GRHL1: variants seen among roughly 807,000 people sequenced by gnomAD.
GRHL1 encodes the protein grainyhead like transcription factor 1.
Under a neutral mutation model 75.7 loss-of-function variants are expected in GRHL1, and 38 were observed. That is an observed-to-expected ratio of 0.50 (90% confidence interval 0.39 to 0.66). GRHL1 has a LOEUF of 0.66. GRHL1 is among the 30% of genes least tolerant of loss of function. GRHL1 has a pLI of 0.00. For synonymous variants in GRHL1, 266 were observed against 279.4 expected, an observed-to-expected ratio of 0.95 and a Z score of 0.48; for missense variants, 589 against 767.5, an observed-to-expected ratio of 0.77 and a Z score of 2.75.
In GRHL1 at chr2:9,995,877, A is replaced by G; in HGVS notation, c.1500-2A>G. On this transcript the variant is annotated splice_acceptor_variant, in intron 12 of 15. Coordinates refer to ENST00000324907, the MANE Select transcript of GRHL1 (RefSeq NM_198182.3). LOFTEE classifies it high-confidence loss of function. ...CTAACGGCATATTTTGGATCACTGCAGCTCTGTCTTGAAAAGGGGGCCGTA... is the reference window on the plus strand; with the variant it reads ...CTAACGGCATATTTTGGATCACTGCGGCTCTGTCTTGAAAAGGGGGCCGTA... The G allele has an allele frequency of 6.3e-7, 1 of 1,594,202 alleles. No individual in the cohort carries two copies. The highest frequency in any genetic ancestry group is 2.2e-5 in the East Asian group (1 of 44,800).
rs999956438 is a variant in GRHL1, at chr2:9,968,248, A to G, written c.1110+2867A>G. 2.0e-5 allele frequency among the ~76,000 whole-genome samples: 3 copies of G among 152,258 alleles called. No individual in the cohort carries two copies. Among genetic ancestry groups the G allele is most frequent in the Admixed American group, 6.5e-5 (1 of 15,288 alleles). On this transcript the variant is annotated intron_variant, in intron 8 of 15. Transcript: ENST00000324907. This position sits in a 1 kb window ranked among gnomAD's most constrained non-coding sequence, Gnocchi z 4.7. ...CCCTGTGTGCACTCCATTCATCACC[A>G]TAAACATATGTCTGCCATTGTCATG...
chr2:9,992,219 C>A lies in GRHL1; in HGVS notation c.1461+73C>A. On this transcript the variant is annotated intron_variant, in intron 11 of 15. Coordinates refer to ENST00000324907, the MANE Select transcript of GRHL1 (RefSeq NM_198182.3). The surrounding 1 kb of genome is among the most constrained non-coding windows in gnomAD (Gnocchi z 4.6). ...CAAAAGGAAATTCTTTGGCATTATT[C>A]ATGGGAAACAGAAGCCAAAATTGAG... 6.8e-7 allele frequency: 1 copy of A among 1,472,752 alleles called. No homozygotes were observed. The highest frequency in any genetic ancestry group is 1.4e-5 in the African/African-American group (1 of 71,596). The allele number at this position is 1,472,752 out of a possible 1,614,324, so 91.2% of individuals were successfully genotyped here.
chr2:9,965,481 T>A, intron 8 of GRHL1, 100 bp downstream of exon 8: 1 of 676,404 alleles, frequency 1.5e-6, no homozygotes, highest in Non-Finnish European at 2.7e-6. Context: ...CAGTTTTATG[T>A]GTTTCATTCT....
At chr2:9,993,095 A>G in intron 11 of GRHL1, 112 bp from the exon 12 acceptor site, 1 of 866,856 alleles carries the variant, frequency 1.2e-6, no homozygotes, top group South Asian at 1.4e-5. Flanking sequence ...AGGCTAAAGG[A>G]TTTTATATTA....
At chr2:9,959,061 T>C in intron 3 of GRHL1, 1 of 562,762 alleles carries the variant, frequency 1.8e-6, no homozygotes, top group East Asian at 3.6e-5. Context: ...GTAGTTGCCT[T>C]TTCTAGGATG....
At chr2:9,995,143 A>C (rs948714406) in intron 12 of GRHL1, among the ~76,000 whole-genome samples, 2 of 152,142 alleles carry the variant, frequency 1.3e-5, no homozygotes, top group African/African-American at 4.8e-5. Context: ...CGAAATTTCT[A>C]GATATGGCTT....
chr2:9,964,154 G>A (rs1667390725), intron 6 of GRHL1, 81 bp from the exon 7 acceptor site: 2 of 1,305,798 alleles, frequency 1.5e-6, no homozygotes, highest in African/African-American at 1.5e-5. Context: ...AGCCTTCACT[G>A]TAAAATATAG....
At chr2:9,994,188 A>G (rs1022849499) in intron 12 of GRHL1, among the ~76,000 whole-genome samples, 2 of 152,076 alleles carry the variant, frequency 1.3e-5, no homozygotes, top group Non-Finnish European at 2.9e-5. Context: ...TCTGAGGCCC[A>G]TGTAGGAGTG....
intron 9 of GRHL1, among the ~76,000 whole-genome samples, chr2:9,986,760 T>G (rs1396895962): frequency 6.6e-6 from 1 of 152,010 alleles, no homozygotes; most frequent in Non-Finnish European, 1.5e-5. Flanking sequence ...AGGCTGGAAT[T>G]TAGTGGTGCA....
chr2:9,996,919 G>A (rs1668886612), intron 14 of GRHL1, among the ~76,000 whole-genome samples: 1 of 152,192 alleles, frequency 6.6e-6, no homozygotes, highest in South Asian at 2.1e-4. Flanking sequence ...CTGACCCCAT[G>A]CTCCCTGTGG....
At chr2:9,977,355 C>G (rs920441570) in intron 8 of GRHL1, among the ~76,000 whole-genome samples, 1 of 152,140 alleles carries the variant, frequency 6.6e-6, no homozygotes, top group African/African-American at 2.4e-5. Context: ...AAGTCTTGCT[C>G]TGTCACTCAG....
intron 2 of GRHL1, among the ~76,000 whole-genome samples, chr2:9,957,137 A>G (rs1218861778): frequency 6.6e-6 from 1 of 151,664 alleles, no homozygotes; most frequent in African/African-American, 2.4e-5. Context: ...AGTAACTAGG[A>G]TTATAGGTCA....
chr2:9,963,093 G>A (rs1667343450), intron 5 of GRHL1, among the ~76,000 whole-genome samples: 1 of 152,182 alleles, frequency 6.6e-6, no homozygotes. Flanking sequence ...TTTTAAAAGT[G>A]TCTAAGATTT....
intron 7 of GRHL1, chr2:9,964,951 T>G (rs1388197815): frequency 4.3e-6 from 1 of 233,258 alleles, no homozygotes; most frequent in African/African-American, 2.3e-5. Flanking sequence ...TTTGTAATGC[T>G]CTTGTTTCCT....
intron 1 of GRHL1, among the ~76,000 whole-genome samples, chr2:9,954,306 T>G (rs371469591): frequency 3.3e-5 from 5 of 152,196 alleles, no homozygotes; most frequent in African/African-American, 1.2e-4. Flanking sequence ...CTTTATTGAT[T>G]TACAGTCCCC....
At chr2:9,989,391 G>A (rs1385359750) in intron 9 of GRHL1, among the ~76,000 whole-genome samples, 3 of 152,152 alleles carry the variant, frequency 2.0e-5, no homozygotes, top group African/African-American at 7.2e-5. Flanking sequence ...TAAATGTAAT[G>A]TTTTTAAATA....
intron 8 of GRHL1, among the ~76,000 whole-genome samples, chr2:9,978,000 G>A (rs944950603): frequency 7.9e-5 from 12 of 152,200 alleles, no homozygotes; most frequent in South Asian, 2.1e-4. Flanking sequence ...GAGAATGAGA[G>A]CCAAGCAAAA....
In GRHL1 at chr2:9,998,548, GTA is replaced by G. The variant is rs1486463688; in HGVS notation, c.1678-411_1678-410del. Among the ~76,000 whole-genome samples the G allele has an allele frequency of 2.0e-4, 2 of 9,762 alleles. 1 individual carries two copies. Among genetic ancestry groups the G allele is most frequent in the Non-Finnish European group, 3.9e-4 (2 of 5,148 alleles). 6.4% of individuals were successfully genotyped at this position (9,762 alleles called of 152,430 possible). A position where few individuals can be genotyped will look rare whatever the true frequency, so the allele number is the denominator to read the frequency against. ...CATATATATACGTATATATACATAT[GTA>G]TATATGTGTGTACATGTATATATAT... is the stretch of plus-strand genomic sequence containing the variant. On this transcript the variant is annotated intron_variant, in intron 14 of 15. Transcript: ENST00000324907.
rs1367101052 is a variant in GRHL1 at position 9,974,968 on chromosome 2, A to G, written c.1110+9587A>G. ...TGGACTTTCAGCTGAGGGAATCCCC[A>G]AAGTCTTTGCTGGAGCTGCAGAATA... On this transcript the variant is annotated intron_variant, in intron 8 of 15. Transcript: ENST00000324907. 2.6e-5 allele frequency among the ~76,000 whole-genome samples: 4 copies of G among 152,336 alleles called. No individual in the cohort carries two copies. In the East Asian group the frequency reaches 7.7e-4, roughly 29 times the overall value.
Sources: allele counts gnomAD v4.1 joint callset (sites outside exome capture counted in the v4.1 genomes callset), GRCh38; gene constraint gnomAD v4.1.1; non-coding constraint Gnocchi (gnomAD v3.1); transcripts MANE v1.5; gene names NCBI Gene and HGNC (gene_info 2026-07-23, HGNC 2026-07-21).